TOMM20L: variants seen among roughly 807,000 people sequenced by gnomAD.
TOMM20L encodes TOMM20-like protein 1.
TOMM20L carries 19 observed loss-of-function variants against 20.4 expected under a neutral mutation model. The ratio of observed to expected loss-of-function variants is 0.93; its 90% CI spans 0.65 to 1.36. The LOEUF is 1.36. Among genes scored for constraint, TOMM20L ranks in the 40% most tolerant of loss-of-function variants. The pLI is 0.00. For missense variants in TOMM20L, 218 were observed against 203.7 expected, an observed-to-expected ratio of 1.07 and a Z score of -0.43; for synonymous variants, 75 against 79.6, an observed-to-expected ratio of 0.94 and a Z score of 0.30.
rs1178678567 is a variant in TOMM20L, at chr14:58,404,095, A to ATGTGTGTG, written c.262+1335_262+1336insGTGTGTGT. ...ATCAGTACAATGTATATATACATATATATGTATATATATATATATATATAT... is the reference window on the plus strand; with the variant it reads ...ATCAGTACAATGTATATATACATATATGTGTGTGTATGTATATATATATATATATATAT... On this transcript the variant is annotated intron_variant, in intron 3 of 4. Coordinates refer to ENST00000360945, the MANE Select transcript of TOMM20L (RefSeq NM_207377.3). 2.5e-3 allele frequency among the ~76,000 whole-genome samples: 7 copies of ATGTGTGTG among 2,746 alleles called. 1 individual carries two copies. In the Non-Finnish European group the frequency reaches 0.033, roughly 13 times the overall value. The allele number at this position is 2,746 out of a possible 152,430, so 1.8% of individuals were successfully genotyped here. A position where few individuals can be genotyped will look rare whatever the true frequency, so the allele number is the denominator to read the frequency against.
At chr14:58,399,438 A>G (rs950202104) in intron 2 of TOMM20L, among the ~76,000 whole-genome samples, 7 of 152,014 alleles carry the variant, frequency 4.6e-5, no homozygotes, top group Admixed American at 4.6e-4. Flanking sequence ...TCACCTGAAG[A>G]GTTTGTTTAA....
downstream of TOMM20L, among the ~76,000 whole-genome samples, chr14:58,409,461 C>T (rs932816266): frequency 1.3e-5 from 2 of 152,168 alleles, no homozygotes; most frequent in Admixed American, 1.3e-4. Flanking sequence ...AGTGAAAGCC[C>T]ACATTCCTGT....
rs1451996587 is a variant in TOMM20L at position 58,396,078 on chromosome 14, C to A, written c.121C>A (p.Arg41Ser). Reference sequence around the variant, plus strand: ...GCGGCGCGGGGACCCCGCGTTCAAGCGCCGCCTGCGGGACAGTGAGTGGGA... The same window carrying A: ...GCGGCGCGGGGACCCCGCGTTCAAGAGCCGCCTGCGGGACAGTGAGTGGGA... ...RKRRGDPAFK[R>S]RLRDKRRAEP... The change falls in exon 1 of 5, where the codon CGC (arginine) becomes AGC (serine). Residue 41 changes from arginine to serine, a missense_variant. Coordinates refer to ENST00000360945, the MANE Select transcript of TOMM20L (RefSeq NM_207377.3). 2 of 1,395,496 alleles carry A rather than the reference C, an allele frequency of 1.4e-6. No individual in the cohort carries two copies. Among genetic ancestry groups the A allele is most frequent in the East Asian group, 2.9e-5 (1 of 34,958 alleles). The allele number at this position is 1,395,496 out of a possible 1,614,324, so 86.4% of individuals were successfully genotyped here.
intron 3 of TOMM20L, among the ~76,000 whole-genome samples, chr14:58,405,356 G>T (rs1444158307): frequency 6.6e-6 from 1 of 152,098 alleles, no homozygotes; most frequent in Non-Finnish European, 1.5e-5. Context: ...TGAATTATAA[G>T]TCAGAAGAAA....
chr14:58,396,128 G>C lies in TOMM20L; in HGVS notation c.136+35G>C. ...ACCGAGGCGGAGGCGCGGCCGGGCC[G>C]GGCAGCGCGGGCGGGCTGCCGGCCG... On this transcript the variant is annotated intron_variant, in intron 1 of 4. Transcript: ENST00000360945. 4 of 1,278,014 alleles carry C rather than the reference G, an allele frequency of 3.1e-6. No individual in the cohort carries two copies. In the Middle Eastern group the frequency reaches 7.5e-4, roughly 240 times the overall value. The allele number at this position is 1,278,014 out of a possible 1,614,324, so 79.2% of individuals were successfully genotyped here.
In TOMM20L at chr14:58,396,158, G is replaced by A. The variant is rs1049230256; in HGVS notation, c.136+65G>A. The A allele has an allele frequency of 1.2e-5, 15 of 1,294,666 alleles. 1 individual carries two copies. The highest frequency in any genetic ancestry group is 2.7e-4 in the Middle Eastern group (1 of 3,752). The allele number at this position is 1,294,666 out of a possible 1,614,324, so 80.2% of individuals were successfully genotyped here. ...GCGCGGGCGGGCTGCCGGCCGGGAG[G>A]GCCCCCCACTGAGAGGCCGGGCCGT... On this transcript the variant is annotated intron_variant, in intron 1 of 4. Transcript: ENST00000360945.
intron 4 of TOMM20L, 148 bp from the exon 5 acceptor site, chr14:58,408,381 C>A: frequency 1.6e-6 from 1 of 643,220 alleles, no homozygotes. Flanking sequence ...TGTGCCGTTG[C>A]ACTCCATCCT....
chr14:58,408,272 C>A (rs1056078023), intron 4 of TOMM20L, among the ~76,000 whole-genome samples: 3 of 151,974 alleles, frequency 2.0e-5, no homozygotes, highest in African/African-American at 7.3e-5. Context: ...CAAAAGTTAG[C>A]CGGGCATGGT....
At chr14:58,399,807 A>G (rs981442247) in intron 2 of TOMM20L, among the ~76,000 whole-genome samples, 6 of 146,610 alleles carry the variant, frequency 4.1e-5, no homozygotes, top group African/African-American at 1.5e-4. Context: ...CCCTGCTGTG[A>G]CCCTGACTCA....
At chr14:58,412,271 A>G (rs1410252289), downstream of TOMM20L, among the ~76,000 whole-genome samples, 3 of 152,132 alleles carry the variant, frequency 2.0e-5, no homozygotes, top group Non-Finnish European at 4.4e-5. Flanking sequence ...CCTCCTGAGT[A>G]GCTAGGACTA....
chr14:58,408,590 T>G lies in TOMM20L; in HGVS notation c.*8T>G. 6.2e-7 allele frequency: 1 copy of G among 1,613,500 alleles called. No homozygotes were observed. The highest frequency in any genetic ancestry group is 8.5e-7 in the Non-Finnish European group (1 of 1,179,568). On this transcript the variant is annotated 3_prime_UTR_variant, in exon 5 of 5. Coordinates refer to ENST00000360945, the MANE Select transcript of TOMM20L (RefSeq NM_207377.3). ...GAGGATGATCCTGATTGAAAAACATTTCAACGTATCCACAGTCCAGTGAGA... is the reference window on the plus strand; with the variant it reads ...GAGGATGATCCTGATTGAAAAACATGTCAACGTATCCACAGTCCAGTGAGA...
intron 3 of TOMM20L, among the ~76,000 whole-genome samples, chr14:58,405,804 C>A (rs1363156287): frequency 6.6e-6 from 1 of 152,190 alleles, no homozygotes; most frequent in South Asian, 2.1e-4. Context: ...ACACCCACCC[C>A]CCTAATAGTT....
downstream of TOMM20L, chr14:58,411,009 G>A: frequency 9.5e-7 from 1 of 1,053,350 alleles, no homozygotes; most frequent in Non-Finnish European, 1.4e-6. Flanking sequence ...TTAAATTACT[G>A]GTATTTTATA....
intron 2 of TOMM20L, chr14:58,398,765 AATT>A (rs1594995354): frequency 6.6e-6 from 1 of 151,764 alleles, no homozygotes; most frequent in East Asian, 1.9e-4. Context: ...ATAAATCAAT[AATT>A]ATTAATAATA....
chr14:58,416,754 C>T, the TOMM20L span, among the ~76,000 whole-genome samples: 3 of 152,158 alleles, frequency 2.0e-5, no homozygotes, highest in African/African-American at 4.8e-5. Context: ...GACATCATTA[C>T]ATGGTGATAA....
At chr14:58,408,716 A>G (rs1595003765), downstream of TOMM20L, 11 of 848,384 alleles carry the variant, frequency 1.3e-5, no homozygotes, top group South Asian at 1.6e-4. Context: ...GATCGAACAC[A>G]TAAGTTGCTT....
At chr14:58,411,306 GGCGTGGTGGCGCAT>G (rs2036206995), downstream of TOMM20L, among the ~76,000 whole-genome samples, 1 of 151,912 alleles carries the variant, frequency 6.6e-6, no homozygotes, top group South Asian at 2.1e-4. Flanking sequence ...AAATTAGCCA[GGCGTGGTGGCGCAT>G]GCCTGTAATC....
downstream of TOMM20L, among the ~76,000 whole-genome samples, chr14:58,410,157 T>C (rs2036167238): frequency 6.6e-6 from 1 of 152,004 alleles, no homozygotes; most frequent in African/African-American, 2.4e-5. Flanking sequence ...CTGCAACCTC[T>C]GCCTCCCGGG....
At chr14:58,408,289 C>T (rs1288128075) in intron 4 of TOMM20L, among the ~76,000 whole-genome samples, 3 of 152,068 alleles carry the variant, frequency 2.0e-5, no homozygotes, top group African/African-American at 4.8e-5. Flanking sequence ...TGGTGGCACA[C>T]ACCTGTAATC....
Sources: allele counts gnomAD v4.1 joint callset (sites outside exome capture counted in the v4.1 genomes callset), GRCh38; gene constraint gnomAD v4.1.1; transcripts MANE v1.5; gene names NCBI Gene and HGNC (gene_info 2026-07-23, HGNC 2026-07-21).